Variants in FAT1 observed in about 807,000 individuals in gnomAD.
FAT1 encodes the protein FAT atypical cadherin 1.
FAT1 carries 171 observed loss-of-function variants against 329.8 expected under a neutral mutation model. That is an observed-to-expected ratio of 0.52 (90% CI 0.46 to 0.59). The LOEUF is 0.59. Among genes scored for constraint, FAT1 ranks in the 20% least tolerant of loss-of-function variants. The pLI, the probability that FAT1 is intolerant of heterozygous loss-of-function variation, is 0.00. For missense variants in FAT1, 5,672 were observed against 5,774.4 expected, an observed-to-expected ratio of 0.98 and a Z score of 0.57; for synonymous variants, 2,233 against 2,228.6, an observed-to-expected ratio of 1.00 and a Z score of -0.06.
At chr4:186,625,819 T>C (rs974092955) in intron 9 of FAT1, among the ~76,000 whole-genome samples, 1 of 152,260 alleles carries the variant, frequency 6.6e-6, no homozygotes, top group African/African-American at 2.4e-5. Context: ...AGCAGAGCCC[T>C]GTTTCTATCG....
intron 2 of FAT1, among the ~76,000 whole-genome samples, chr4:186,675,420 T>C (rs1191346345): frequency 6.6e-6 from 1 of 151,870 alleles, no homozygotes; most frequent in Non-Finnish European, 1.5e-5. Flanking sequence ...TGAGTTGAGA[T>C]TGCGCCACCG....
chr4:186,663,966 C>G (rs1338738213), intron 2 of FAT1, among the ~76,000 whole-genome samples: 1 of 152,050 alleles, frequency 6.6e-6, no homozygotes, highest in Non-Finnish European at 1.5e-5. Context: ...TCTAATGGCC[C>G]AACACTTCAT....
Position 186,628,722 on chromosome 4 carries a change from C to A in FAT1, c.4365G>T (p.Gln1455His). 1 of 1,613,800 alleles carries A rather than the reference C, an allele frequency of 6.2e-7. No homozygotes were observed. The highest frequency in any genetic ancestry group is 8.5e-7 in the Non-Finnish European group (1 of 1,179,868). ...KVIDTNDHRP[Q>H]FSTSKYEVVI... is the part of the protein sequence containing the mutation. ...CAACTTCATACTTTGATGTAGAAAA[C>A]TGAGGACGATGGTCATTTGTGTCTA... Residue 1455 changes from glutamine (Q) to histidine (H), a missense_variant, in exon 8 of 27, where the codon CAG becomes CAT. Around this residue, in one of 2 missense-constraint regions of FAT1, gnomAD observed 3,966 missense variants for 3,915.2 expected, o/e 1.01. Transcript: ENST00000441802.
chr4:186,672,206 A>G (rs1362635517), intron 2 of FAT1, among the ~76,000 whole-genome samples: 1 of 152,228 alleles, frequency 6.6e-6, no homozygotes, highest in African/African-American at 2.4e-5. Context: ...GTATACATAT[A>G]TTAATAAATA....
chr4:186,638,421 T>G (rs1230734139), intron 4 of FAT1, among the ~76,000 whole-genome samples: 13 of 152,188 alleles, frequency 8.5e-5, no homozygotes, highest in Admixed American at 7.9e-4. Flanking sequence ...GTGACTGCAT[T>G]TGCCCCTTCT....
chr4:186,605,184 C>A, intron 17 of FAT1, among the ~76,000 whole-genome samples: 1 of 127,434 alleles, frequency 7.8e-6, no homozygotes, highest in Non-Finnish European at 1.6e-5. Flanking sequence ...CCATTGCACT[C>A]TAGCCTGGGC....
chr4:186,652,399 C>T (rs1163522740), intron 3 of FAT1, among the ~76,000 whole-genome samples: 1 of 152,160 alleles, frequency 6.6e-6, no homozygotes, highest in African/African-American at 2.4e-5. Flanking sequence ...AAACCAAATG[C>T]TGACAGAATT....
In FAT1 at chr4:186,611,585, T is replaced by C. The variant is rs1460660928; in HGVS notation, c.9654A>G (p.Val3218=). The C allele has an allele frequency of 1.9e-6, 3 of 1,613,734 alleles. No individual in the cohort carries two copies. The African/African-American group carries it at 4.0e-5, about 22-fold the overall frequency. The change falls in exon 14 of 27, where the codon GTA becomes GTG. Residue 3218 remains valine, a synonymous_variant. Transcript: ENST00000441802. ...RRLTATGTVI[V]SVLDINDNPP... ...GGTTGTCATTTATGTCAAGAACTGA[T>C]ACAATCACAGTGCCAGTGGCAGTCA...
intron 26 of FAT1, chr4:186,590,374 G>A (rs1738179860): frequency 7.8e-7 from 1 of 1,289,248 alleles, no homozygotes; most frequent in South Asian, 1.2e-5. Flanking sequence ...TCACCTCTTG[G>A]TTTGCTGAGG....
Position 186,603,526 on chromosome 4 carries a change from A to G in FAT1, c.11000T>C (p.Leu3667Ser). The G allele has an allele frequency of 1.2e-6, 2 of 1,614,014 alleles. No individual in the cohort carries two copies. Among genetic ancestry groups the G allele is most frequent in the Non-Finnish European group, 1.7e-6 (2 of 1,179,892 alleles). The change falls in exon 19 of 27, where the codon TTA becomes TCA. Residue 3667 changes from leucine (L) to serine (S), a missense_variant. Leu to Ser is a moderately radical substitution (Grantham distance 145, BLOSUM62 -2). Transcript: ENST00000441802. ...CCTCCTCACACCCAGGATGTTCCGT[A>G]AAGCTCGCTGGAAGTTGCGCCAGTA... ...GDYWRNFQRA[L>S]RNILGVRRND...
In FAT1 at chr4:186,596,871, G is replaced by A. The variant is rs777396007; in HGVS notation, c.12669C>T (p.Pro4223=). 16 of 1,613,868 alleles carry A rather than the reference G, an allele frequency of 9.9e-6. No homozygotes were observed. Among genetic ancestry groups the A allele is most frequent in the East Asian group, 2.2e-5 (1 of 44,900 alleles). ...ACGGTCTTTGCAAGAAAGCCGTAGC[G>A]GGTCCCAGGTGCTTGTCTTTAGGTT... ...QAEPKDKHLG[P]ATAFLQRPYF... is the part of the protein sequence containing the mutation. Residue 4223 remains proline (P), a synonymous_variant, in exon 25 of 27, where the codon CCC becomes CCT. Transcript: ENST00000441802. The surrounding 1 kb of genome is among the most constrained non-coding windows in gnomAD (Gnocchi z 4.7).
At position 186,591,702 on chromosome 4, in the gene FAT1, A is replaced by T. The variant is rs144062970; in HGVS notation, c.13139-2482T>A. On this transcript the variant is annotated intron_variant, in intron 26 of 26. Coordinates refer to ENST00000441802, the MANE Select transcript of FAT1 (RefSeq NM_005245.4). ...ATACAGGTATGTTTCTGATTTGCCC[A>T]GTGAAAACATGGTACTTCTTAGGAA... Among the ~76,000 whole-genome samples, 407 of 152,348 alleles carry T rather than the reference A, an allele frequency of 2.7e-3. 5 individuals are homozygous for T. The highest frequency in any genetic ancestry group is 9.6e-3 in the African/African-American group (399 of 41,574).
At position 186,709,751 on chromosome 4, in the gene FAT1, C is replaced by A. The variant is rs75367100; in HGVS notation, c.77G>T (p.Arg26Leu). The A allele has an allele frequency of 6.2e-7, 1 of 1,613,324 alleles. No individual in the cohort carries two copies. The highest frequency in any genetic ancestry group is 1.1e-5 in the South Asian group (1 of 90,906). ...AAACTGCAGAGGAGTCTGTTCAAGT[C>A]GTTGGCTGCCATCACTGTCTCCAAA... Reference protein sequence around the residue: ...QHFGDSDGSQRLEQTPLQFTH... With the variant: ...QHFGDSDGSQLLEQTPLQFTH... The change falls in exon 2 of 27, where the codon CGA becomes CTA. Residue 26 changes from arginine to leucine, a missense_variant. By Grantham distance (102) the Arg-to-Leu change is moderately radical. Coordinates refer to ENST00000441802, the MANE Select transcript of FAT1 (RefSeq NM_005245.4).
chr4:186,592,649 C>CT (rs1203874925), intron 26 of FAT1: 2 of 454,480 alleles, frequency 4.4e-6, no homozygotes, highest in African/African-American at 4.0e-5. Context: ...TACGACACGG[C>CT]TGCTGCAAGA....
chr4:186,655,425 A>C (rs1741856000), intron 3 of FAT1, among the ~76,000 whole-genome samples: 1 of 136,150 alleles, frequency 7.3e-6, no homozygotes, highest in African/African-American at 3.0e-5. Context: ...GTTCATCAGT[A>C]ACCACAATAA....
intron 2 of FAT1, among the ~76,000 whole-genome samples, chr4:186,677,547 A>G (rs1433187925): frequency 1.3e-5 from 2 of 151,694 alleles, no homozygotes; most frequent in South Asian, 2.1e-4. Context: ...CTAATTTTAT[A>G]TATGTTTTGA....
intron 10 of FAT1, 117 bp downstream of exon 10, chr4:186,617,591 A>AT: frequency 1.2e-6 from 1 of 830,672 alleles, no homozygotes; most frequent in Non-Finnish European, 1.8e-6. Context: ...TATTTTAGAT[A>AT]TTTTTAACTA....
rs1744694822 is a variant in FAT1 at position 186,707,563 on chromosome 4, A to G, written c.2265T>C (p.Ala755=). 2 of 1,614,046 alleles carry G rather than the reference A, an allele frequency of 1.2e-6. No individual in the cohort carries two copies. Among genetic ancestry groups the G allele is most frequent in the East Asian group, 2.2e-5 (1 of 44,878 alleles). ...AACTATCCTCATTTCCTCCAGAAAC[A>G]GCATAGACCAGTTTTCCATTGAAGC... ...DTGFNGKLVY[A]VSGGNEDSCF... Residue 755 remains alanine, a synonymous_variant, in exon 2 of 27, where the codon GCT becomes GCC. Coordinates refer to ENST00000441802, the MANE Select transcript of FAT1 (RefSeq NM_005245.4).
chr4:186,701,713 C>A (rs539476986), intron 2 of FAT1, among the ~76,000 whole-genome samples: 1 of 152,330 alleles, frequency 6.6e-6, no homozygotes, highest in South Asian at 2.1e-4. Context: ...GGAGGACGTG[C>A]AGCAGGAGCA....
Sources: allele counts gnomAD v4.1 joint callset (sites outside exome capture counted in the v4.1 genomes callset), GRCh38; gene constraint gnomAD v4.1.1; regional missense constraint gnomAD v4.1.1; non-coding constraint Gnocchi (gnomAD v3.1); transcripts MANE v1.5; gene names NCBI Gene and HGNC (gene_info 2026-07-23, HGNC 2026-07-21).